RP1: variants seen among roughly 807,000 people sequenced by gnomAD.
RP1 encodes the protein oxygen-regulated protein 1.
RP1 carries 16 observed loss-of-function variants against 14.8 expected under a neutral mutation model. That is an observed-to-expected ratio of 1.08 (90% CI 0.73 to 1.65). RP1 has a LOEUF of 1.65. Ranked by LOEUF, RP1 falls within the 40% of genes most tolerant of loss-of-function variation. The probability of loss-of-function intolerance (pLI) is 0.00; values close to 1 mark genes in which losing one functional copy is unlikely to be tolerated. For synonymous variants in RP1, 876 were observed against 883.6 expected, an observed-to-expected ratio of 0.99 and a Z score of 0.15; for missense variants, 2,631 against 2,535.0, an observed-to-expected ratio of 1.04 and a Z score of -0.81.
intron 8 of RP1, among the ~76,000 whole-genome samples, chr8:54,676,091 C>T (rs1163881161): frequency 1.3e-5 from 2 of 152,036 alleles, no homozygotes; most frequent in Non-Finnish European, 2.9e-5. Flanking sequence ...ACATCCTAAA[C>T]GCTCCATCTC....
chr8:54,596,975 A>T (rs975326519), intron 1 of RP1, among the ~76,000 whole-genome samples: 2 of 152,144 alleles, frequency 1.3e-5, no homozygotes, highest in Non-Finnish European at 2.9e-5. Flanking sequence ...TTCTGTCAGC[A>T]CTGTGTCCTC....
intron 27 of RP1, among the ~76,000 whole-genome samples, chr8:54,863,087 A>G (rs1275310598): frequency 1.4e-5 from 2 of 142,736 alleles, no homozygotes; most frequent in Admixed American, 1.4e-4. Context: ...ATGCAGAATC[A>G]TGTGCTGCAT....
In RP1 at chr8:54,630,091, A is replaced by G. The variant is rs758935713; in HGVS notation, c.6209A>G (p.Asn2070Ser). 1 of 1,613,978 alleles carries G rather than the reference A, an allele frequency of 6.2e-7. No individual in the cohort carries two copies. Among genetic ancestry groups the G allele is most frequent in the South Asian group, 1.1e-5 (1 of 91,076 alleles). Residue 2070 changes from asparagine (N) to serine (S), a missense_variant, in exon 4 of 4, where the codon AAC becomes AGC. Physicochemically the swap from Asn to Ser is conservative, Grantham distance 46. Coordinates refer to ENST00000220676, the MANE Select transcript of RP1 (RefSeq NM_006269.2). ...TTTAAAGCAGTCGATGAGAATAACA[A>G]CTTATTAAATAACAGATTCCAGGGC... ...EIFKAVDENN[N>S]LLNNRFQGSR...
At chr8:54,677,848 A>G (rs1463270244) in intron 8 of RP1, among the ~76,000 whole-genome samples, 2 of 152,220 alleles carry the variant, frequency 1.3e-5, no homozygotes, top group Non-Finnish European at 2.9e-5. Flanking sequence ...GGACCTTTGC[A>G]TAGACAAAAC....
Position 54,694,062 on chromosome 8 carries a change from A to G in RP1, c.1718-5405A>G, listed in dbSNP as rs1159583825. The stretch of plus-strand genomic sequence containing the variant: ...GAATTTTGCCAAAGGCCTTTTCTGC[A>G]TTTACTGAGATAATCATGTGGTTTT... On this transcript the variant is annotated intron_variant, in intron 12 of 22. Coordinates refer to the RP1 transcript ENST00000636932. Among the ~76,000 whole-genome samples the G allele has an allele frequency of 1.3e-5, 2 of 152,154 alleles. 1 individual carries two copies. Among genetic ancestry groups the G allele is most frequent in the East Asian group, 3.8e-4 (2 of 5,200 alleles).
chr8:54,697,158 C>G, intron 12 of RP1: 1 of 868,978 alleles, frequency 1.2e-6, no homozygotes, highest in Non-Finnish European at 1.9e-6. Flanking sequence ...ACATTTTTAT[C>G]AATGAAGTGG....
At chr8:54,657,772 T>C (rs1806787702) in intron 6 of RP1, among the ~76,000 whole-genome samples, 2 of 152,202 alleles carry the variant, frequency 1.3e-5, no homozygotes, top group South Asian at 4.1e-4. Flanking sequence ...AGTTTACCAG[T>C]ATACCATCAT....
intron 24 of RP1, among the ~76,000 whole-genome samples, chr8:54,793,969 T>C (rs1810524760): frequency 6.6e-6 from 1 of 151,910 alleles, no homozygotes; most frequent in Non-Finnish European, 1.5e-5. Context: ...TCAGTAAAGT[T>C]GCAAGCTACA....
intron 12 of RP1, among the ~76,000 whole-genome samples, chr8:54,695,769 C>G (rs555028380): frequency 1.3e-5 from 2 of 152,252 alleles, no homozygotes; most frequent in East Asian, 3.9e-4. Context: ...GTGTCAGACT[C>G]AAAGTCAGAA....
intron 17 of RP1, among the ~76,000 whole-genome samples, chr8:54,728,778 A>G (rs1269934570): frequency 1.3e-5 from 2 of 152,144 alleles, no homozygotes; most frequent in Non-Finnish European, 2.9e-5. Flanking sequence ...GGGGTTGAGG[A>G]AGGAATCTTA....
intron 1 of RP1, among the ~76,000 whole-genome samples, chr8:54,592,106 A>G (rs1461732130): frequency 1.3e-5 from 2 of 152,226 alleles, no homozygotes; most frequent in Admixed American, 6.5e-5. Flanking sequence ...ACAACCCACC[A>G]CAAGGATATA....
At chr8:54,721,148 G>T (rs1353342961) in intron 16 of RP1, among the ~76,000 whole-genome samples, 1 of 152,158 alleles carries the variant, frequency 6.6e-6, no homozygotes, top group Non-Finnish European at 1.5e-5. Context: ...TGGTATATTT[G>T]GTCCTGTTCT....
chr8:54,676,825 T>C (rs1033210491), intron 8 of RP1, among the ~76,000 whole-genome samples: 1 of 152,212 alleles, frequency 6.6e-6, no homozygotes, highest in Non-Finnish European at 1.5e-5. Flanking sequence ...CTTTACAGCC[T>C]CCTCAGTTCT....
chr8:54,759,091 C>T (rs1809576668), intron 22 of RP1: 1 of 1,521,370 alleles, frequency 6.6e-7, no homozygotes, highest in South Asian at 1.2e-5. Flanking sequence ...TGCTGGTCTC[C>T]AAGATACTTC....
chr8:54,612,857 T>C (rs558553994), upstream of RP1, among the ~76,000 whole-genome samples: 1 of 152,296 alleles, frequency 6.6e-6, no homozygotes, highest in East Asian at 1.9e-4. Flanking sequence ...TGAACACCAT[T>C]TCCCCTGACT....
chr8:54,559,678 T>G (rs982191171), intron 1 of RP1, among the ~76,000 whole-genome samples: 3 of 152,182 alleles, frequency 2.0e-5, no homozygotes, highest in Non-Finnish European at 4.4e-5. Context: ...CTTTAAGGCC[T>G]GGGGAAACCC....
At chr8:54,683,674 C>T (rs568853279) in intron 12 of RP1, among the ~76,000 whole-genome samples, 1 of 152,132 alleles carries the variant, frequency 6.6e-6, no homozygotes, top group South Asian at 2.1e-4. Flanking sequence ...GCTAAAGTTG[C>T]TTACTAGTTT....
chr8:54,675,345 G>C (rs1807270498), intron 8 of RP1, among the ~76,000 whole-genome samples: 1 of 152,084 alleles, frequency 6.6e-6, no homozygotes, highest in Admixed American at 6.6e-5. Flanking sequence ...TTATTCCACA[G>C]ATAATATTGC....
chr8:54,836,391 G>A (rs1434362041), intron 24 of RP1, among the ~76,000 whole-genome samples: 1 of 152,146 alleles, frequency 6.6e-6, no homozygotes, highest in Admixed American at 6.5e-5. Context: ...ACGTAATTAA[G>A]GTTACTAATT....
Sources: allele counts gnomAD v4.1 joint callset (sites outside exome capture counted in the v4.1 genomes callset), GRCh38; gene constraint gnomAD v4.1.1; transcripts MANE v1.5; gene names NCBI Gene and HGNC (gene_info 2026-07-23, HGNC 2026-07-21).